SREBF1: variants seen among roughly 807,000 people sequenced by gnomAD.
SREBF1 encodes the protein sterol regulatory element binding transcription factor 1.
A neutral mutation model predicts 100.1 loss-of-function variants in SREBF1; 45 were observed. That is an observed-to-expected ratio of 0.45 (90% confidence interval 0.35 to 0.58). The LOEUF is 0.58. SREBF1 is among the 20% of genes least tolerant of loss of function. The pLI is 0.00. For synonymous variants in SREBF1, 657 were observed against 681.8 expected (o/e 0.96, Z 0.57); for missense variants, 1,324 against 1,539.4 (o/e 0.86, Z 2.34).
At position 17,817,012 on chromosome 17, in the gene SREBF1, G is replaced by A. The variant is rs1567966198; in HGVS notation, c.1731C>T (p.Gly577=). ...YGEPVTRPHS[G]PAVYFWRHRK... is the part of the protein sequence containing the mutation. The stretch of plus-strand genomic sequence containing the variant: ...GATGCCTCCAGAAGTACACGGCGGG[G>A]CCTGAGTGGGGCCGTGTGACTGGCT... The change falls in exon 9 of 19, where the codon GGC becomes GGT. Residue 577 remains glycine, a synonymous_variant. Transcript: ENST00000261646. The surrounding 1 kb of genome is among the most constrained non-coding windows in gnomAD (Gnocchi z 6.6). 2 of 1,612,994 alleles carry A rather than the reference G, an allele frequency of 1.2e-6. No individual in the cohort carries two copies. Among genetic ancestry groups the A allele is most frequent in the Non-Finnish European group, 1.7e-6 (2 of 1,180,040 alleles).
Position 17,815,205 on chromosome 17 carries a change from G to A in SREBF1, c.2492+16C>T. 2 of 1,607,782 alleles carry A rather than the reference G, an allele frequency of 1.2e-6. No homozygotes were observed. Among genetic ancestry groups the A allele is most frequent in the Non-Finnish European group, 1.7e-6 (2 of 1,174,840 alleles). ...CCGGAGGGGCCTTGCCTGGAGGAGG[G>A]CACAACGACACTTACTTGTCCCCAT... On this transcript the variant is annotated intron_variant, in intron 13 of 18. Coordinates refer to ENST00000261646, the MANE Select transcript of SREBF1 (RefSeq NM_004176.5).
chr17:17,816,182 G>GCCCCCCCCCC, intron 11 of SREBF1, 25 bp downstream of exon 11: 10 of 81,126 alleles, frequency 1.2e-4, no homozygotes, highest in Admixed American at 3.4e-4. Flanking sequence ...GCAGGGATAA[G>GCCCCCCCCCC]CCCCCAGCCC....
intron 1 of SREBF1, 88 bp downstream of exon 1, chr17:17,836,639 G>A: frequency 7.4e-7 from 1 of 1,346,690 alleles, no homozygotes; most frequent in South Asian, 1.3e-5. Flanking sequence ...GCTGGCGCCC[G>A]TGGGGGAGAC....
chr17:17,816,175 G>A, intron 11 of SREBF1, 32 bp downstream of exon 11: 1 of 116,406 alleles, frequency 8.6e-6, no homozygotes, highest in Non-Finnish European at 1.5e-5. Flanking sequence ...GAGAGCTGCA[G>A]GGATAAGCCC....
At position 17,819,522 on chromosome 17, in the gene SREBF1, G is replaced by C; in HGVS notation, c.711+16C>G. ...TGGGGCTGCCCCCTCCCCAACCCCTGGCCAGACCCCCTCACCGGGACCTGC... is the reference window on the plus strand; with the variant it reads ...TGGGGCTGCCCCCTCCCCAACCCCTCGCCAGACCCCCTCACCGGGACCTGC... On this transcript the variant is annotated intron_variant, in intron 3 of 18. Coordinates refer to ENST00000261646, the MANE Select transcript of SREBF1 (RefSeq NM_004176.5). The C allele has an allele frequency of 5.6e-6, 9 of 1,613,528 alleles. No individual in the cohort carries two copies. Among genetic ancestry groups the C allele is most frequent in the Non-Finnish European group, 7.6e-6 (9 of 1,179,986 alleles).
At chr17:17,821,708 G>T (rs1269189013) in intron 1 of SREBF1, among the ~76,000 whole-genome samples, 1 of 152,146 alleles carries the variant, frequency 6.6e-6, no homozygotes, top group East Asian at 1.9e-4. Context: ...TGCAGCCTGG[G>T]CCCACTCTTC....
Position 17,817,853 on chromosome 17 carries a change from C to A in SREBF1, c.1247G>T (p.Gly416Val), listed in dbSNP as rs2033760551. The A allele has an allele frequency of 6.2e-7, 1 of 1,607,706 alleles. No homozygotes were observed. The change falls in exon 7 of 19, where the codon GGC becomes GTC. Residue 416 changes from glycine (G) to valine (V), a missense_variant. Physicochemically the swap from Gly to Val is moderately radical, Grantham distance 109. Coordinates refer to ENST00000261646, the MANE Select transcript of SREBF1 (RefSeq NM_004176.5). This position sits in a 1 kb window ranked among gnomAD's most constrained non-coding sequence, Gnocchi z 6.6. ...SGGNTDVLMEGVKTEVEDTLT... is the reference protein window; with the variant it reads ...SGGNTDVLMEVVKTEVEDTLT... ...TGTGTCCTCCACCTCAGTCTTCACGCCCTCCATGAGCACGTCTGTGTTCCC... is the reference window on the plus strand; with the variant it reads ...TGTGTCCTCCACCTCAGTCTTCACGACCTCCATGAGCACGTCTGTGTTCCC...
rs55759875 is a variant in SREBF1, at chr17:17,816,543, T to A, written c.1961A>T (p.Gln654Leu). 6 of 1,602,916 alleles carry A rather than the reference T, an allele frequency of 3.7e-6. No homozygotes were observed. The highest frequency in any genetic ancestry group is 5.1e-6 in the Non-Finnish European group (6 of 1,175,860). ...WLAGRAGGLQ[Q>L]DCALRVDASA... Reference sequence around the variant, plus strand: ...AGCATCCACTCGCAGAGCACAGTCCTGCTGCAGGCCCCCTGCCCGGCCTGC... The same window carrying A: ...AGCATCCACTCGCAGAGCACAGTCCAGCTGCAGGCCCCCTGCCCGGCCTGC... Residue 654 changes from glutamine (Q) to leucine (L), a missense_variant, in exon 10 of 19, where the codon CAG becomes CTG. Physicochemically the swap from Gln to Leu is moderately radical, Grantham distance 113. Coordinates refer to ENST00000261646, the MANE Select transcript of SREBF1 (RefSeq NM_004176.5).
chr17:17,823,731 G>A, intron 1 of SREBF1: 2 of 359,070 alleles, frequency 5.6e-6, no homozygotes, highest in Non-Finnish European at 7.5e-6. Flanking sequence ...CCCGCCCTTC[G>A]GGGCTGCGGG....
At chr17:17,820,745 G>A (rs549064656) in intron 1 of SREBF1, 19 of 605,942 alleles carry the variant, frequency 3.1e-5, no homozygotes, top group South Asian at 7.3e-5. Context: ...CTGCTGCTGC[G>A]AGTGCATCAC....
In SREBF1 at chr17:17,817,637, C is replaced by T. The variant is rs1457605216; in HGVS notation, c.1404+59G>A. The T allele has an allele frequency of 1.2e-6, 2 of 1,605,578 alleles. No homozygotes were observed. Among genetic ancestry groups the T allele is most frequent in the South Asian group, 2.2e-5 (2 of 90,496 alleles). On this transcript the variant is annotated intron_variant, in intron 7 of 18. Coordinates refer to ENST00000261646, the MANE Select transcript of SREBF1 (RefSeq NM_004176.5). The surrounding 1 kb of genome is among the most constrained non-coding windows in gnomAD (Gnocchi z 6.6). The stretch of plus-strand genomic sequence containing the variant: ...TCTGTTAGGGTCTTCCCGGCCCTGT[C>T]ATGAGGCTCAGAGGATATGGCTGGG...
intron 1 of SREBF1, among the ~76,000 whole-genome samples, chr17:17,827,127 C>T (rs2034539088): frequency 6.6e-6 from 1 of 152,174 alleles, no homozygotes; most frequent in Non-Finnish European, 1.5e-5. Flanking sequence ...TGTGCAAAGG[C>T]CCTGCAGTGG....
intron 12 of SREBF1, 117 bp downstream of exon 12, chr17:17,815,743 C>T: frequency 8.7e-7 from 1 of 1,146,458 alleles, no homozygotes; most frequent in African/African-American, 1.5e-5. Context: ...AGCAACAACC[C>T]ATGGCAGGGA....
At chr17:17,835,727 A>C (rs540795370) in intron 1 of SREBF1, among the ~76,000 whole-genome samples, 1 of 152,364 alleles carries the variant, frequency 6.6e-6, no homozygotes, top group East Asian at 1.9e-4. Context: ...GGGCCTCCTA[A>C]TTGGCACTTG....
rs181117649 is a variant in SREBF1 at position 17,829,281 on chromosome 17, T to C, written c.91+7446A>G. 9.7e-3 allele frequency among the ~76,000 whole-genome samples: 1,409 copies of C among 145,018 alleles called. 25 individuals carry two copies. The highest frequency in any genetic ancestry group is 0.029 in the African/African-American group (1,110 of 37,946). On this transcript the variant is annotated intron_variant, in intron 1 of 18. Coordinates refer to ENST00000261646, the MANE Select transcript of SREBF1 (RefSeq NM_004176.5). ...ACTCACACATACACACACACACACA[T>C]ATATATATATATTTCTCCCTCTTGA...
chr17:17,813,836 G>C (rs766132533), intron 16 of SREBF1, 67 bp from the exon 17 acceptor site: 2 of 1,454,878 alleles, frequency 1.4e-6, no homozygotes, highest in Non-Finnish European at 1.9e-6. Flanking sequence ...ATGGGGGCCC[G>C]TGGTGCCAGG....
chr17:17,832,465 C>G (rs1195838155), intron 1 of SREBF1, among the ~76,000 whole-genome samples: 1 of 152,226 alleles, frequency 6.6e-6, no homozygotes, highest in Non-Finnish European at 1.5e-5. Context: ...TCCCTCATGT[C>G]TCTCAAGGGA....
intron 16 of SREBF1, 173 bp downstream of exon 16, chr17:17,814,072 C>T: frequency 2.6e-6 from 2 of 768,708 alleles, no homozygotes; most frequent in Non-Finnish European, 4.2e-6. Context: ...AGGGGCAACC[C>T]CTCTCCTCTG....
rs767887376 is a variant in SREBF1 at position 17,820,153 on chromosome 17, G to C, written c.460C>G (p.Pro154Ala). The C allele has an allele frequency of 6.2e-7, 1 of 1,613,276 alleles. No individual in the cohort carries two copies. The highest frequency in any genetic ancestry group is 1.1e-5 in the South Asian group (1 of 91,040). The change falls in exon 2 of 19, where the codon CCA (proline) becomes GCA (alanine). Residue 154 changes from proline to alanine, a missense_variant. Physicochemically the swap from Pro to Ala is conservative, Grantham distance 27. Transcript: ENST00000261646. ...ACAGGGGTGGAGCTGAACTGCGGTGGGGCTGGGGCTGGGAAGCTCTGTGGC... is the reference window on the plus strand; with the variant it reads ...ACAGGGGTGGAGCTGAACTGCGGTGCGGCTGGGGCTGGGAAGCTCTGTGGC... ...LLPQSFPAPA[P>A]PQFSSTPVLG...
Sources: allele counts gnomAD v4.1 joint callset (sites outside exome capture counted in the v4.1 genomes callset), GRCh38; gene constraint gnomAD v4.1.1; non-coding constraint Gnocchi (gnomAD v3.1); transcripts MANE v1.5; gene names NCBI Gene and HGNC (gene_info 2026-07-23, HGNC 2026-07-21).